Variants in BRD9 observed in about 807,000 individuals in gnomAD.
BRD9 encodes bromodomain-containing protein 9.
BRD9 carries 47 observed loss-of-function variants against 68.7 expected under a neutral mutation model. That is an observed-to-expected ratio of 0.68 (90% CI 0.54 to 0.87). BRD9 has a LOEUF of 0.87. Among genes scored for constraint, BRD9 ranks in the 40% least tolerant of loss-of-function variants. BRD9 has a pLI of 0.00. For synonymous variants in BRD9, 313 were observed against 293.9 expected, an observed-to-expected ratio of 1.06 and a Z score of -0.67; for missense variants, 670 against 748.4, an observed-to-expected ratio of 0.90 and a Z score of 1.22.
Position 865,553 on chromosome 5 carries a change from G to A in BRD9, c.1554C>T (p.Asp518=), listed in dbSNP as rs145503836. ...TCTCATCCAAGTTCAAATGGCTGTC[G>A]TCAGGGTCCAGCTCCTTCTTCACCT... ...LGKVKKELDP[D]DSHLNLDETT... is the part of the protein sequence containing the mutation. The change falls in exon 15 of 16, where the codon GAC becomes GAT. Residue 518 remains aspartate, a synonymous_variant. Coordinates refer to ENST00000467963, the MANE Select transcript of BRD9 (RefSeq NM_023924.5). The A allele has an allele frequency of 1.0e-5, 16 of 1,604,252 alleles. No individual in the cohort carries two copies. The highest frequency in any genetic ancestry group is 2.2e-5 in the East Asian group (1 of 44,804).
intron 12 of BRD9, among the ~76,000 whole-genome samples, chr5:874,083 G>A (rs781380207): frequency 1.3e-5 from 2 of 152,178 alleles, no homozygotes. Context: ...CAGACATAAC[G>A]CGAGCACACG....
intron 12 of BRD9, among the ~76,000 whole-genome samples, chr5:873,775 A>G (rs1750495006): frequency 6.6e-6 from 1 of 152,250 alleles, no homozygotes; most frequent in South Asian, 2.1e-4. Context: ...GCACAGATGA[A>G]ACCGTCAGGT....
chr5:877,321 A>T (rs1274704612), intron 11 of BRD9, among the ~76,000 whole-genome samples: 1 of 152,138 alleles, frequency 6.6e-6, no homozygotes, highest in Admixed American at 6.5e-5. Context: ...ACAACTCTTT[A>T]ATTTCTGACT....
At chr5:869,531 C>G (rs990166028) in intron 14 of BRD9, 4 of 345,784 alleles carry the variant, frequency 1.2e-5, no homozygotes, top group African/African-American at 1.0e-4. Flanking sequence ...CTTCCTGACC[C>G]AACAGAGATT....
intron 5 of BRD9, among the ~76,000 whole-genome samples, chr5:887,986 G>A (rs888294092): frequency 6.6e-6 from 1 of 152,152 alleles, no homozygotes; most frequent in Non-Finnish European, 1.5e-5. Context: ...GTGAAAATAC[G>A]GAAGCATCAG....
chr5:886,477 T>C (rs879232725), intron 7 of BRD9, 115 bp downstream of exon 7: 1 of 1,048,774 alleles, frequency 9.5e-7, no homozygotes, highest in Non-Finnish European at 1.4e-6. Flanking sequence ...ACCAAGAATG[T>C]CTATGTGACA....
intron 13 of BRD9, among the ~76,000 whole-genome samples, chr5:871,076 C>A (rs1483160412): frequency 4.6e-5 from 7 of 152,218 alleles, no homozygotes; most frequent in Admixed American, 4.6e-4. Flanking sequence ...TCCCAGGGAC[C>A]CTGGACCAAA....
intron 8 of BRD9, 28 bp downstream of exon 8, chr5:883,909 AC>A: frequency 6.2e-7 from 1 of 1,600,740 alleles, no homozygotes. Context: ...GCCACGTGGC[AC>A]CCTCTCTCGG....
At chr5:882,446 A>G (rs1347555906) in intron 8 of BRD9, 1 of 161,124 alleles carries the variant, frequency 6.2e-6, no homozygotes, top group Non-Finnish European at 1.4e-5. Context: ...TGAGCCAAGC[A>G]GACAACTGCC....
rs764937191 is a variant in BRD9, at chr5:876,090, G to C, written c.1383+11C>G. The C allele has an allele frequency of 1.9e-6, 3 of 1,599,110 alleles. No individual in the cohort carries two copies. The highest frequency in any genetic ancestry group is 2.6e-6 in the Non-Finnish European group (3 of 1,169,222). ...CACCTGCCCCCCAACCCCGGTGCGA[G>C]TGCAGCCCACCTGCTTCAGCTGGAA... On this transcript the variant is annotated intron_variant, in intron 12 of 15. Coordinates refer to ENST00000467963, the MANE Select transcript of BRD9 (RefSeq NM_023924.5).
intron 7 of BRD9, 104 bp from the exon 8 acceptor site, chr5:884,174 GAC>G: frequency 6.9e-7 from 1 of 1,443,394 alleles, no homozygotes; most frequent in South Asian, 1.2e-5. Flanking sequence ...CCTGCCCTCA[GAC>G]ACAGAGCTGG....
chr5:874,318 TTTAC>T (rs1750586935), intron 12 of BRD9, among the ~76,000 whole-genome samples: 1 of 152,196 alleles, frequency 6.6e-6, no homozygotes, highest in Admixed American at 6.5e-5. Flanking sequence ...ACTAATGCAT[TTTAC>T]TTAGACAAAT....
At chr5:886,786 G>A in intron 6 of BRD9, 79 bp from the exon 7 acceptor site, 1 of 1,605,374 alleles carries the variant, frequency 6.2e-7, no homozygotes, top group Non-Finnish European at 8.5e-7. Flanking sequence ...AGAAAGGACA[G>A]AGCAGCAGGG....
chr5:871,525 C>T lies in BRD9; in HGVS notation c.1422+1G>A. On this transcript the variant is annotated splice_donor_variant, in intron 13 of 15. Transcript: ENST00000467963. LOFTEE classifies it high-confidence loss of function. ...TTGCCCTTCCATGTTCAAAAACTTACCTTGGCTTCATCTGGAGGCTTCATG... is the reference window on the plus strand; with the variant it reads ...TTGCCCTTCCATGTTCAAAAACTTATCTTGGCTTCATCTGGAGGCTTCATG... 11 of 1,614,084 alleles carry T rather than the reference C, an allele frequency of 6.8e-6. No homozygotes were observed. The highest frequency in any genetic ancestry group is 9.3e-6 in the Non-Finnish European group (11 of 1,179,906).
At position 872,110 on chromosome 5, in the gene BRD9, C is replaced by T. The variant is rs1295452540; in HGVS notation, c.1384-546G>A. Reference sequence around the variant, plus strand: ...CTGGCGGTGCCTGCAGCAGGTGGGCCGGGCCGTGCATTGTCTCCTTCCACA... The same window carrying T: ...CTGGCGGTGCCTGCAGCAGGTGGGCTGGGCCGTGCATTGTCTCCTTCCACA... On this transcript the variant is annotated intron_variant, in intron 12 of 15. Transcript: ENST00000467963. 2.0e-5 allele frequency among the ~76,000 whole-genome samples: 3 copies of T among 152,204 alleles called. No individual in the cohort carries two copies. In the East Asian group the frequency reaches 5.8e-4, roughly 29 times the overall value.
intron 7 of BRD9, among the ~76,000 whole-genome samples, chr5:884,282 G>T (rs1189326863): frequency 6.6e-6 from 1 of 152,232 alleles, no homozygotes; most frequent in Non-Finnish European, 1.5e-5. Flanking sequence ...AAGGGTAAGT[G>T]TAAGCCAAGT....
intron 7 of BRD9, among the ~76,000 whole-genome samples, chr5:885,005 C>G (rs1038670148): frequency 2.0e-5 from 3 of 152,242 alleles, no homozygotes; most frequent in Admixed American, 1.3e-4. Context: ...CAGAGACACC[C>G]AAAACCAACC....
At chr5:891,981 G>C in intron 1 of BRD9, 127 bp from the exon 2 acceptor site, 1 of 1,410,400 alleles carries the variant, frequency 7.1e-7, no homozygotes, top group Non-Finnish European at 9.3e-7. Flanking sequence ...CAACCAGCAG[G>C]GAAAGACGGA....
chr5:884,195 A>C, intron 7 of BRD9, 125 bp from the exon 8 acceptor site: 2 of 1,194,106 alleles, frequency 1.7e-6, no homozygotes. Context: ...GGCAGAGCAT[A>C]CTTAACTCCT....
Sources: allele counts gnomAD v4.1 joint callset (sites outside exome capture counted in the v4.1 genomes callset), GRCh38; gene constraint gnomAD v4.1.1; transcripts MANE v1.5; gene names NCBI Gene and HGNC (gene_info 2026-07-23, HGNC 2026-07-21).